The following COL8A1 variants were observed in gnomAD, a reference collection of about 807,000 sequenced individuals.
The protein encoded by COL8A1 is collagen alpha-1(VIII) chain.
Under a neutral mutation model 42.7 loss-of-function variants are expected in COL8A1, and 21 were observed. The ratio of observed to expected loss-of-function variants is 0.49; its 90% CI spans 0.35 to 0.71. COL8A1 has a LOEUF of 0.71. COL8A1 is among the 30% of genes least tolerant of loss of function. The pLI, the probability that COL8A1 is intolerant of heterozygous loss-of-function variation, is 0.01. For synonymous variants in COL8A1, 367 were observed against 369.1 expected, an observed-to-expected ratio of 0.99 and a Z score of 0.06; for missense variants, 788 against 962.4, an observed-to-expected ratio of 0.82 and a Z score of 2.40.
intron 1 of COL8A1, among the ~76,000 whole-genome samples, chr3:99,705,674 C>A (rs926954929): frequency 6.6e-6 from 1 of 152,062 alleles, no homozygotes; most frequent in East Asian, 1.9e-4. Flanking sequence ...CACAAAAAGA[C>A]AATGATTCAT....
chr3:99,771,137 G>A (rs1341111666), intron 2 of COL8A1, among the ~76,000 whole-genome samples: 1 of 152,188 alleles, frequency 6.6e-6, no homozygotes, highest in Non-Finnish European at 1.5e-5. Context: ...TCAACAGGTG[G>A]AAATGGAATT....
chr3:99,782,333 G>A (rs1222869234), intron 2 of COL8A1, among the ~76,000 whole-genome samples: 1 of 152,064 alleles, frequency 6.6e-6, no homozygotes, highest in African/African-American at 2.4e-5. Flanking sequence ...GTATGAGATT[G>A]ATCTAACTTT....
At chr3:99,689,200 G>A (rs1209788508) in intron 1 of COL8A1, among the ~76,000 whole-genome samples, 1 of 152,176 alleles carries the variant, frequency 6.6e-6, no homozygotes, top group African/African-American at 2.4e-5. Flanking sequence ...TTTGTCCAAG[G>A]AAGTCAGAGT....
chr3:99,659,744 A>C (rs1254477452), intron 1 of COL8A1, among the ~76,000 whole-genome samples: 1 of 152,138 alleles, frequency 6.6e-6, no homozygotes, highest in Non-Finnish European at 1.5e-5. Flanking sequence ...TCATGTCCAT[A>C]ATCTGCCATG....
chr3:99,653,750 G>T (rs1486344477), intron 1 of COL8A1, among the ~76,000 whole-genome samples: 1 of 150,440 alleles, frequency 6.6e-6, no homozygotes, highest in Non-Finnish European at 1.5e-5. Context: ...ATGCATCCTG[G>T]CCCCTGTATT....
At chr3:99,697,630 A>G (rs1485211842) in intron 1 of COL8A1, among the ~76,000 whole-genome samples, 2 of 152,150 alleles carry the variant, frequency 1.3e-5, no homozygotes, top group East Asian at 3.9e-4. Flanking sequence ...AAAATACACA[A>G]TTCTAACAAT....
At chr3:99,736,850 T>A (rs1940735883) in intron 1 of COL8A1, among the ~76,000 whole-genome samples, 1 of 152,146 alleles carries the variant, frequency 6.6e-6, no homozygotes, top group African/African-American at 2.4e-5. Flanking sequence ...TCTCCCATTA[T>A]TAATGTGTGG....
At chr3:99,759,646 G>A (rs1202808325) in intron 2 of COL8A1, among the ~76,000 whole-genome samples, 1 of 152,090 alleles carries the variant, frequency 6.6e-6, no homozygotes, top group African/African-American at 2.4e-5. Context: ...TGTTTTTTTA[G>A]ACACACAATG....
chr3:99,763,591 T>C (rs1941404787), intron 2 of COL8A1, among the ~76,000 whole-genome samples: 1 of 152,180 alleles, frequency 6.6e-6, no homozygotes, highest in Non-Finnish European at 1.5e-5. Flanking sequence ...ATCCTCATTT[T>C]CTGGAAAAGG....
chr3:99,681,148 T>C (rs1039838019), intron 1 of COL8A1, among the ~76,000 whole-genome samples: 2 of 152,286 alleles, frequency 1.3e-5, no homozygotes, highest in East Asian at 3.9e-4. Flanking sequence ...TGAGATCTAA[T>C]TAAACTAAAG....
rs1174632104 is a variant in COL8A1, at chr3:99,797,597, A to G, written c.*1461A>G. On this transcript the variant is annotated 3_prime_UTR_variant, in exon 4 of 4. Transcript: ENST00000652472. Reference sequence around the variant, plus strand: ...AAAGTCAGCTTTCAAAATCCAAGCCATAATTGGTGAGGGGGGAGTTTCAGA... The same window carrying G: ...AAAGTCAGCTTTCAAAATCCAAGCCGTAATTGGTGAGGGGGGAGTTTCAGA... 6.6e-6 allele frequency: 1 copy of G among 152,342 alleles called. No individual in the cohort carries two copies. Among genetic ancestry groups the G allele is most frequent in the Non-Finnish European group, 1.5e-5 (1 of 68,030 alleles). The allele number at this position is 152,342 out of a possible 1,614,324, so 9.4% of individuals were successfully genotyped here. A position where few individuals can be genotyped will look rare whatever the true frequency, so the allele number is the denominator to read the frequency against.
At chr3:99,720,001 T>C (rs1205643205) in intron 1 of COL8A1, among the ~76,000 whole-genome samples, 2 of 152,130 alleles carry the variant, frequency 1.3e-5, no homozygotes, top group Non-Finnish European at 2.9e-5. Flanking sequence ...AATTTTTTAG[T>C]CCACATTACT....
chr3:99,767,556 C>A (rs1007869874), intron 2 of COL8A1, among the ~76,000 whole-genome samples: 2 of 152,144 alleles, frequency 1.3e-5, no homozygotes, highest in African/African-American at 4.8e-5. Context: ...ACCTCAAATA[C>A]CTTTCATTCA....
At chr3:99,774,199 T>A (rs1210461687) in intron 2 of COL8A1, among the ~76,000 whole-genome samples, 2 of 151,224 alleles carry the variant, frequency 1.3e-5, no homozygotes, top group Non-Finnish European at 2.9e-5. Context: ...TGATGCTATT[T>A]GATTGTGTTA....
intron 1 of COL8A1, among the ~76,000 whole-genome samples, chr3:99,651,933 G>A (rs114987330): frequency 0.029 from 4,402 of 152,318 alleles, 81 homozygotes; most frequent in Non-Finnish European, 0.04. Flanking sequence ...CTGCTGTCAT[G>A]AGCCAGACAA....
chr3:99,697,570 A>G (rs1387638350), intron 1 of COL8A1, among the ~76,000 whole-genome samples: 8 of 152,202 alleles, frequency 5.3e-5, no homozygotes, highest in Non-Finnish European at 1.0e-4. Context: ...CTCTGGCACT[A>G]GAAAGGTGAC....
chr3:99,769,463 A>T (rs571186941), intron 2 of COL8A1, among the ~76,000 whole-genome samples: 8 of 152,370 alleles, frequency 5.3e-5, no homozygotes, highest in African/African-American at 1.9e-4. Context: ...AAACTTTTCC[A>T]AAAGGCAGGG....
intron 1 of COL8A1, among the ~76,000 whole-genome samples, chr3:99,653,896 A>G (rs1937930806): frequency 6.6e-6 from 1 of 152,004 alleles, no homozygotes; most frequent in African/African-American, 2.4e-5. Context: ...TATGAAAGGG[A>G]GTTTATTAAG....
At chr3:99,698,013 G>A (rs1939430424) in intron 1 of COL8A1, among the ~76,000 whole-genome samples, 5 of 151,844 alleles carry the variant, frequency 3.3e-5, no homozygotes, top group Admixed American at 3.3e-4. Flanking sequence ...TCCCTGCCCT[G>A]TGTCTATGTG....
Sources: allele counts gnomAD v4.1 joint callset (sites outside exome capture counted in the v4.1 genomes callset), GRCh38; gene constraint gnomAD v4.1.1; transcripts MANE v1.5; gene names NCBI Gene and HGNC (gene_info 2026-07-23, HGNC 2026-07-21).